The following SYBU variants were observed in gnomAD, a reference collection of about 807,000 sequenced individuals.
SYBU encodes GOLSYN A protein.
A neutral mutation model predicts 35.9 loss-of-function variants in SYBU; 21 were observed. The ratio of observed to expected loss-of-function variants is 0.58; its 90% CI spans 0.41 to 0.84. The LOEUF (loss-of-function observed/expected upper bound fraction) is 0.84, where lower values mean the gene tolerates loss of function less well. Ranked by LOEUF, SYBU falls within the 40% of genes least tolerant of loss-of-function variation. SYBU has a pLI of 0.00. For missense variants in SYBU, 768 were observed against 848.2 expected (o/e 0.91, Z 1.17); for synonymous variants, 319 against 324.3 (o/e 0.98, Z 0.18).
intron 2 of SYBU, among the ~76,000 whole-genome samples, chr8:109,637,792 A>G (rs1814394662): frequency 6.6e-6 from 1 of 152,206 alleles, no homozygotes; most frequent in Admixed American, 6.5e-5. Context: ...AGGCGTTGTC[A>G]TGCCTCAACA....
Position 109,577,941 on chromosome 8 carries a change from G to A in SYBU, c.811C>T (p.Leu271=). The change falls in exon 6 of 7, where the codon CTG becomes TTG. Residue 271 remains leucine (L), a synonymous_variant. Coordinates refer to ENST00000276646, the MANE Select transcript of SYBU (RefSeq NM_001099754.2). ...CTCACTGTCACCTCTTTCTGCTGCA[G>A]TGGAGTCAAATACTGCTCTGGGTTT... ...PPNPEQYLTP[L]QQKEVTVRHL... The A allele has an allele frequency of 2.5e-6, 4 of 1,614,026 alleles. No individual in the cohort carries two copies. The highest frequency in any genetic ancestry group is 3.4e-6 in the Non-Finnish European group (4 of 1,179,968).
chr8:109,682,759 C>A (rs989870475), upstream of SYBU, among the ~76,000 whole-genome samples: 2 of 152,158 alleles, frequency 1.3e-5, no homozygotes, highest in African/African-American at 2.4e-5. Context: ...TTGCAGCAGT[C>A]CCTCCCATCA....
At chr8:109,587,015 G>A (rs1823696869) in intron 3 of SYBU, among the ~76,000 whole-genome samples, 1 of 152,166 alleles carries the variant, frequency 6.6e-6, no homozygotes, top group African/African-American at 2.4e-5. Flanking sequence ...GGGGAAGTAA[G>A]GGGAGGTGGA....
chr8:109,663,700 T>C (rs1302094292), intron 1 of SYBU, among the ~76,000 whole-genome samples: 1 of 152,128 alleles, frequency 6.6e-6, no homozygotes, highest in East Asian at 1.9e-4. Flanking sequence ...TTTTTCATTT[T>C]CTAATTTTCT....
intron 3 of SYBU, among the ~76,000 whole-genome samples, chr8:109,609,816 G>A (rs1810967863): frequency 6.6e-6 from 1 of 151,958 alleles, no homozygotes; most frequent in Admixed American, 6.6e-5. Context: ...GAAAATTAGG[G>A]GATCTTATAT....
At chr8:109,655,624 C>G (rs1816323417) in intron 1 of SYBU, among the ~76,000 whole-genome samples, 1 of 152,172 alleles carries the variant, frequency 6.6e-6, no homozygotes, top group Admixed American at 6.5e-5. Context: ...AAAGTATCCC[C>G]ATGATTCCTT....
chr8:109,622,067 T>C (rs776310319), intron 2 of SYBU, among the ~76,000 whole-genome samples: 1 of 152,140 alleles, frequency 6.6e-6, no homozygotes, highest in African/African-American at 2.4e-5. Context: ...CAAATGAAGA[T>C]AACACTCCTT....
Position 109,624,916 on chromosome 8 carries a change from G to C in SYBU, c.230-5877C>G, listed in dbSNP as rs543877918. Reference sequence around the variant, plus strand: ...TACAATGGCAGAGAGTTGAGTAATTGCATCAGTGGCCATCTAGCCAATGAA... The same window carrying C: ...TACAATGGCAGAGAGTTGAGTAATTCCATCAGTGGCCATCTAGCCAATGAA... On this transcript the variant is annotated intron_variant, in intron 2 of 6. Transcript: ENST00000276646. 7.5e-4 allele frequency among the ~76,000 whole-genome samples: 114 copies of C among 152,262 alleles called. 1 individual carries two copies. The South Asian group carries it at 0.022, about 29-fold the overall frequency.
At chr8:109,612,729 C>CTGGT (rs59644082) in intron 3 of SYBU, among the ~76,000 whole-genome samples, 2 of 151,782 alleles carry the variant, frequency 1.3e-5, no homozygotes, top group Admixed American at 1.3e-4. Flanking sequence ...CCTGTAATCC[C>CTGGT]AGTACTCTGG....
chr8:109,577,783 T>TATC, intron 6 of SYBU, 85 bp downstream of exon 6: 1 of 1,374,114 alleles, frequency 7.3e-7, no homozygotes, highest in Middle Eastern at 1.9e-4. Context: ...TTTTCTTTTC[T>TATC]ATCTTTCTAT....
chr8:109,673,883 G>T (rs1370158873), intron 1 of SYBU, among the ~76,000 whole-genome samples: 1 of 152,174 alleles, frequency 6.6e-6, no homozygotes, highest in African/African-American at 2.4e-5. Flanking sequence ...ACTTTGTGAA[G>T]CATACACAAG....
intron 3 of SYBU, chr8:109,607,803 C>G (rs1386065146): frequency 3.3e-6 from 2 of 602,552 alleles, no homozygotes; most frequent in South Asian, 5.3e-5. Flanking sequence ...CCTACCACAA[C>G]TAACTCACAC....
At chr8:109,616,709 T>G (rs117330095) in intron 3 of SYBU, among the ~76,000 whole-genome samples, 1,802 of 152,216 alleles carry the variant, frequency 0.012, 26 homozygotes, top group Non-Finnish European at 0.018. Flanking sequence ...TTTTTTTTTT[T>G]TTCAATCTAT....
intron 3 of SYBU, among the ~76,000 whole-genome samples, chr8:109,602,528 GGC>G (rs1420636694): frequency 6.6e-6 from 1 of 150,950 alleles, no homozygotes; most frequent in Non-Finnish European, 1.5e-5. Flanking sequence ...CTGCCTCCTG[GGC>G]TCAGGTGATC....
At chr8:109,595,573 T>C (rs1824777823) in intron 3 of SYBU, among the ~76,000 whole-genome samples, 1 of 152,102 alleles carries the variant, frequency 6.6e-6, no homozygotes, top group Non-Finnish European at 1.5e-5. Context: ...TCAAGTTAGG[T>C]GCTAAGAGAG....
At chr8:109,660,681 C>T (rs1444845222) in intron 1 of SYBU, among the ~76,000 whole-genome samples, 1 of 152,194 alleles carries the variant, frequency 6.6e-6, no homozygotes, top group Non-Finnish European at 1.5e-5. Flanking sequence ...ATACTATTTT[C>T]TACTCATTTG....
chr8:109,672,855 T>A (rs1056892314), intron 1 of SYBU, among the ~76,000 whole-genome samples: 1 of 152,140 alleles, frequency 6.6e-6, no homozygotes, highest in East Asian at 1.9e-4. Context: ...GGGAGGGGCA[T>A]CTGCCATTAC....
At chr8:109,666,645 G>T (rs758214771) in intron 1 of SYBU, among the ~76,000 whole-genome samples, 31 of 152,118 alleles carry the variant, frequency 2.0e-4, no homozygotes, top group Admixed American at 3.3e-4. Flanking sequence ...GGAGACCAAG[G>T]CTTGATCACT....
rs1012186334 is a variant in SYBU at position 109,577,919 on chromosome 8, A to G, written c.833T>C (p.Val278Ala). 2 of 1,613,884 alleles carry G rather than the reference A, an allele frequency of 1.2e-6. No homozygotes were observed. The highest frequency in any genetic ancestry group is 3.3e-5 in the Admixed American group (2 of 60,002). The change falls in exon 6 of 7, where the codon GTG becomes GCG. Residue 278 changes from valine to alanine, a missense_variant. Val to Ala is a moderately conservative substitution (Grantham distance 64, BLOSUM62 0). Coordinates refer to ENST00000276646, the MANE Select transcript of SYBU (RefSeq NM_001099754.2). ...CTTCAGCTTGGTTTTGAGGTGTCTC[A>G]CTGTCACCTCTTTCTGCTGCAGTGG... is the stretch of plus-strand genomic sequence containing the variant. Reference protein sequence around the residue: ...LTPLQQKEVTVRHLKTKLKES... With the variant: ...LTPLQQKEVTARHLKTKLKES...
Sources: allele counts gnomAD v4.1 joint callset (sites outside exome capture counted in the v4.1 genomes callset), GRCh38; gene constraint gnomAD v4.1.1; transcripts MANE v1.5; gene names NCBI Gene and HGNC (gene_info 2026-07-23, HGNC 2026-07-21).